NTM: variants seen among roughly 807,000 people sequenced by gnomAD.
The protein encoded by NTM is IgLON family member 2.
Under a neutral mutation model 42.1 loss-of-function variants are expected in NTM, and 13 were observed. The ratio of observed to expected loss-of-function variants is 0.31; its 90% CI spans 0.20 to 0.49. NTM has a LOEUF of 0.49. Ranked by LOEUF, NTM falls within the 20% of genes least tolerant of loss-of-function variation. The pLI, the probability that NTM is intolerant of heterozygous loss-of-function variation, is 0.99. For missense variants in NTM, 373 were observed against 452.8 expected (o/e 0.82, Z 1.60); for synonymous variants, 187 against 179.2 (o/e 1.04, Z -0.35).
rs520818 is a variant in NTM, at chr11:131,897,982, T to C, written c.83-13582T>C. Among the ~76,000 whole-genome samples, 1,062 of 152,306 alleles carry C rather than the reference T, an allele frequency of 7.0e-3. 29 individuals carry two copies. The East Asian group carries it at 0.086, about 12-fold the overall frequency. Reference sequence around the variant, plus strand: ...CCTTGGAAAATAATTTATAAGATCATTTCTCAAATATTTCGGATTCAAACC... The same window carrying C: ...CCTTGGAAAATAATTTATAAGATCACTTCTCAAATATTTCGGATTCAAACC... On this transcript the variant is annotated intron_variant, in intron 1 of 8. Coordinates refer to ENST00000683400, the MANE Select transcript of NTM (RefSeq NM_001352005.2).
intron 1 of NTM, among the ~76,000 whole-genome samples, chr11:131,883,743 C>A (rs371234496): frequency 1.3e-5 from 2 of 152,228 alleles, no homozygotes; most frequent in South Asian, 4.2e-4. Context: ...CAAAACCAGG[C>A]GTGGTTTCCC....
Position 131,730,170 on chromosome 11 carries a change from C to T in NTM, c.83-181394C>T, listed in dbSNP as rs559669833. Reference sequence around the variant, plus strand: ...GGTATCTCACTGTGAGTTTGACTTCCATTTCCCTAATGACTAATGATGTTG... The same window carrying T: ...GGTATCTCACTGTGAGTTTGACTTCTATTTCCCTAATGACTAATGATGTTG... On this transcript the variant is annotated intron_variant, in intron 1 of 8. Coordinates refer to ENST00000683400, the MANE Select transcript of NTM (RefSeq NM_001352005.2). Among the ~76,000 whole-genome samples the T allele has an allele frequency of 1.9e-4, 29 of 152,274 alleles. 2 individuals carry two copies. The South Asian group carries it at 6.0e-3, about 32-fold the overall frequency.
intron 1 of NTM, among the ~76,000 whole-genome samples, chr11:131,643,644 T>A (rs921258646): frequency 1.3e-5 from 2 of 152,222 alleles, no homozygotes; most frequent in African/African-American, 4.8e-5. Flanking sequence ...CTAGTCCTAC[T>A]GAACCACCCT....
intron 2 of NTM, among the ~76,000 whole-genome samples, chr11:131,991,219 G>T (rs1368375266): frequency 2.6e-5 from 4 of 151,980 alleles, no homozygotes; most frequent in Non-Finnish European, 5.9e-5. Flanking sequence ...TTTTTTGTTT[G>T]TTTTGTTTTG....
At chr11:131,707,636 T>C (rs2076722783) in intron 1 of NTM, among the ~76,000 whole-genome samples, 1 of 152,144 alleles carries the variant, frequency 6.6e-6, no homozygotes, top group Non-Finnish European at 1.5e-5. Context: ...TTCTCTTTTC[T>C]ACACATTCTT....
intron 1 of NTM, among the ~76,000 whole-genome samples, chr11:131,673,503 A>G (rs2070788164): frequency 1.3e-5 from 2 of 152,106 alleles, no homozygotes; most frequent in Non-Finnish European, 2.9e-5. Flanking sequence ...CTTTCTTCTT[A>G]TCTCTTCATC....
At chr11:132,290,274 T>C (rs900692729) in intron 4 of NTM, among the ~76,000 whole-genome samples, 4 of 152,120 alleles carry the variant, frequency 2.6e-5, no homozygotes, top group Non-Finnish European at 4.4e-5. Context: ...TTTTTTTTAT[T>C]ATCACTGTAC....
chr11:132,171,122 G>C (rs1167360669), intron 3 of NTM, among the ~76,000 whole-genome samples: 2 of 152,084 alleles, frequency 1.3e-5, no homozygotes, highest in African/African-American at 4.8e-5. Flanking sequence ...ATCTTTCCTT[G>C]TCTGAAAGAT....
At chr11:131,677,246 C>T (rs949409225) in intron 1 of NTM, among the ~76,000 whole-genome samples, 2 of 152,140 alleles carry the variant, frequency 1.3e-5, no homozygotes, top group Non-Finnish European at 2.9e-5. Context: ...CACTTCAGGC[C>T]ATTTGAGTTT....
At position 132,159,836 on chromosome 11, in the gene NTM, G is replaced by A. The variant is rs75652255; in HGVS notation, c.400+13322G>A. Reference sequence around the variant, plus strand: ...GCTGGAGCCCAGCGAGCTAAGGCCCGAGGCAGCTGAAGGTCAAATTGGGAA... The same window carrying A: ...GCTGGAGCCCAGCGAGCTAAGGCCCAAGGCAGCTGAAGGTCAAATTGGGAA... On this transcript the variant is annotated intron_variant, in intron 3 of 8. Transcript: ENST00000683400. Among the ~76,000 whole-genome samples the A allele has an allele frequency of 8.6e-3, 1,311 of 152,314 alleles. 19 individuals carry two copies. Among genetic ancestry groups the A allele is most frequent in the African/African-American group, 0.028 (1,182 of 41,572 alleles).
chr11:131,372,510 G>A (rs1199044365), intron 1 of NTM, among the ~76,000 whole-genome samples: 1 of 152,076 alleles, frequency 6.6e-6, no homozygotes, highest in African/African-American at 2.4e-5. Context: ...AATGAAGTGG[G>A]GAAGCTGAGT....
intron 2 of NTM, among the ~76,000 whole-genome samples, chr11:132,082,104 G>T (rs1444427912): frequency 6.6e-6 from 1 of 151,388 alleles, no homozygotes; most frequent in African/African-American, 2.4e-5. Flanking sequence ...CTTCATCAAG[G>T]TTAAAACACT....
chr11:131,506,916 C>T (rs570077363), intron 1 of NTM, among the ~76,000 whole-genome samples: 1 of 152,236 alleles, frequency 6.6e-6, no homozygotes, highest in South Asian at 2.1e-4. Context: ...GCAATACAGC[C>T]CATCTTTATG....
intron 2 of NTM, among the ~76,000 whole-genome samples, chr11:132,124,427 T>TA (rs1396634462): frequency 6.6e-6 from 1 of 152,214 alleles, no homozygotes; most frequent in Non-Finnish European, 1.5e-5. Flanking sequence ...ACCTGCGCCT[T>TA]AGATTCCTTA....
chr11:131,785,927 C>A (rs1309253823), intron 1 of NTM, among the ~76,000 whole-genome samples: 1 of 152,148 alleles, frequency 6.6e-6, no homozygotes, highest in Non-Finnish European at 1.5e-5. Flanking sequence ...TAACAGGTAC[C>A]TGTAGTGCAG....
intron 2 of NTM, among the ~76,000 whole-genome samples, chr11:131,976,894 C>T (rs1593332589): frequency 6.6e-6 from 1 of 152,132 alleles, no homozygotes; most frequent in East Asian, 1.9e-4. Flanking sequence ...ACAACTGTTC[C>T]CTAAATGAAG....
chr11:132,197,573 T>A (rs1265946864), intron 3 of NTM, among the ~76,000 whole-genome samples: 1 of 151,830 alleles, frequency 6.6e-6, no homozygotes, highest in Non-Finnish European at 1.5e-5. Flanking sequence ...TATGTATACA[T>A]GTGCCATGTT....
intron 2 of NTM, among the ~76,000 whole-genome samples, chr11:132,083,712 C>G (rs769153792): frequency 7.2e-5 from 11 of 152,204 alleles, no homozygotes; most frequent in Admixed American, 6.5e-4. Flanking sequence ...CATACCCTTA[C>G]AGTCAAACCC....
chr11:132,030,665 A>G (rs543915143), intron 2 of NTM, among the ~76,000 whole-genome samples: 9 of 152,360 alleles, frequency 5.9e-5, no homozygotes, highest in African/African-American at 2.2e-4. Context: ...AGGGAACCTC[A>G]TATGCCAAAG....
Sources: allele counts gnomAD v4.1 joint callset (sites outside exome capture counted in the v4.1 genomes callset), GRCh38; gene constraint gnomAD v4.1.1; transcripts MANE v1.5; gene names NCBI Gene and HGNC (gene_info 2026-07-23, HGNC 2026-07-21).